Variants in STRBP observed in about 807,000 individuals in gnomAD.
The protein encoded by STRBP is spermatid perinuclear RNA binding protein, also known as spermatid perinuclear RNA-binding protein.
In STRBP, 13 loss-of-function variants were observed where a neutral mutation model predicts 80.1. The observed-to-expected ratio is 0.16, with a 90% CI of 0.11 to 0.26. STRBP has a LOEUF of 0.26. Ranked by LOEUF, STRBP falls within the 10% of genes least tolerant of loss-of-function variation. The probability of loss-of-function intolerance (pLI) is 1.00; values close to 1 mark genes in which losing one functional copy is unlikely to be tolerated. For missense variants in STRBP, 485 were observed against 815.2 expected (o/e 0.59, Z 4.93); for synonymous variants, 284 against 291.2 (o/e 0.98, Z 0.25).
At chr9:123,200,101 T>A (rs1158364435) in intron 2 of STRBP, among the ~76,000 whole-genome samples, 1 of 152,238 alleles carries the variant, frequency 6.6e-6, no homozygotes, top group East Asian at 1.9e-4. Flanking sequence ...CTGGATTTTG[T>A]CAAATGCTTT....
chr9:123,141,216 C>T (rs1293878166), intron 13 of STRBP, among the ~76,000 whole-genome samples: 2 of 152,070 alleles, frequency 1.3e-5, no homozygotes, highest in African/African-American at 2.4e-5. Flanking sequence ...ACAGTGTTAC[C>T]CTAAACCAAA....
chr9:123,148,469 G>A (rs2036915409), intron 11 of STRBP, among the ~76,000 whole-genome samples: 1 of 152,154 alleles, frequency 6.6e-6, no homozygotes, highest in Non-Finnish European at 1.5e-5. Context: ...ATATATTCAC[G>A]TTATATGCAT....
chr9:123,250,557 T>C (rs892431973), intron 1 of STRBP, among the ~76,000 whole-genome samples: 2 of 152,178 alleles, frequency 1.3e-5, no homozygotes, highest in Admixed American at 6.5e-5. Flanking sequence ...TAACTATATG[T>C]AGGTTGATTT....
At position 123,125,742 on chromosome 9, in the gene STRBP, A is replaced by C. The variant is rs2035869514; in HGVS notation, c.1943-69T>G. The stretch of plus-strand genomic sequence containing the variant: ...ACTCCAATAAAAATTTCAGGTAAAA[A>C]AATATCTGACAGTAATTATCATTAA... On this transcript the variant is annotated intron_variant, in intron 18 of 18. Transcript: ENST00000348403. 5 of 1,263,020 alleles carry C rather than the reference A, an allele frequency of 4.0e-6. No homozygotes were observed. The South Asian group carries it at 6.5e-5, about 17-fold the overall frequency. 78.2% of individuals were successfully genotyped at this position (1,263,020 alleles called of 1,614,324 possible).
Position 123,137,408 on chromosome 9 carries a change from T to TTTG in STRBP, c.1498-896_1498-894dup, listed in dbSNP as rs149319491. 2.3e-3 allele frequency among the ~76,000 whole-genome samples: 345 copies of TTTG among 152,028 alleles called. 1 individual carries two copies. Among genetic ancestry groups the TTTG allele is most frequent in the Non-Finnish European group, 4.0e-3 (269 of 67,968 alleles). On this transcript the variant is annotated intron_variant, in intron 14 of 18. Coordinates refer to ENST00000348403, the MANE Select transcript of STRBP (RefSeq NM_018387.5). The stretch of plus-strand genomic sequence containing the variant: ...AAAAGTGTTAATTTTGTTTTTTTTG[T>TTTG]TTGTTGTTGTTGTTGTTTTGAGACA...
chr9:123,207,890 ATT>A (rs2039577853), intron 2 of STRBP, among the ~76,000 whole-genome samples: 1 of 152,186 alleles, frequency 6.6e-6, no homozygotes, highest in African/African-American at 2.4e-5. Context: ...ATCATATTCT[ATT>A]TTTGTCTATA....
At chr9:123,264,898 A>C (rs1254838902) in intron 1 of STRBP, among the ~76,000 whole-genome samples, 1 of 152,190 alleles carries the variant, frequency 6.6e-6, no homozygotes, top group Non-Finnish European at 1.5e-5. Flanking sequence ...GGACTTAAGA[A>C]ATATAAGGAG....
At chr9:123,220,497 T>C (rs369692922) in intron 2 of STRBP, among the ~76,000 whole-genome samples, 19 of 152,254 alleles carry the variant, frequency 1.2e-4, no homozygotes, top group African/African-American at 4.6e-4. Context: ...AAGCAGTCTG[T>C]CATTGAAACT....
At chr9:123,190,705 C>T (rs1156509324) in intron 2 of STRBP, among the ~76,000 whole-genome samples, 2 of 152,162 alleles carry the variant, frequency 1.3e-5, no homozygotes, top group African/African-American at 4.8e-5. Context: ...TAATCTGAAC[C>T]TAAAATATAC....
intron 2 of STRBP, among the ~76,000 whole-genome samples, chr9:123,207,544 T>C (rs559117519): frequency 6.6e-6 from 1 of 152,220 alleles, no homozygotes; most frequent in African/African-American, 2.4e-5. Flanking sequence ...AGGAGAGTGG[T>C]TACCTTTGGG....
At chr9:123,216,192 C>T (rs1466110506) in intron 2 of STRBP, among the ~76,000 whole-genome samples, 2 of 152,172 alleles carry the variant, frequency 1.3e-5, no homozygotes, top group Non-Finnish European at 2.9e-5. Context: ...CTGGCATGGA[C>T]TGAATGAAGA....
intron 12 of STRBP, 101 bp downstream of exon 12, chr9:123,147,677 C>CAAAA (rs551381831): frequency 3.0e-4 from 111 of 374,506 alleles, no homozygotes; most frequent in Admixed American, 4.3e-4. Flanking sequence ...GAACCGATCT[C>CAAAA]AAAAAAAAAA....
intron 2 of STRBP, among the ~76,000 whole-genome samples, chr9:123,215,210 G>C (rs767364192): frequency 6.6e-6 from 1 of 152,050 alleles, no homozygotes; most frequent in East Asian, 1.9e-4. Flanking sequence ...AAGACTACAG[G>C]CATGCACCAC....
intron 2 of STRBP, among the ~76,000 whole-genome samples, chr9:123,201,785 C>A (rs1415528275): frequency 6.6e-6 from 1 of 152,162 alleles, no homozygotes; most frequent in African/African-American, 2.4e-5. Context: ...TCGTTTAAGT[C>A]CACTGTTTCT....
chr9:123,179,231 T>A lies in STRBP; in HGVS notation c.4-4A>T. ...TAGCAAAAGATCGAATAGATCTCTG[T>A]TAGAAGGAGAACGAAAACAATTACT... On this transcript the variant is annotated splice_polypyrimidine_tract_variant and splice_region_variant and intron_variant, in intron 3 of 18. Transcript: ENST00000348403. 1 of 1,595,552 alleles carries A rather than the reference T, an allele frequency of 6.3e-7. No homozygotes were observed. Among genetic ancestry groups the A allele is most frequent in the Non-Finnish European group, 8.6e-7 (1 of 1,164,992 alleles).
rs192698770 is a variant in STRBP at position 123,124,851 on chromosome 9, G to A, written c.*746C>T. 2.2e-5 allele frequency: 22 copies of A among 985,438 alleles called. No homozygotes were observed. The African/African-American group carries it at 3.1e-4, about 14-fold the overall frequency. The allele number at this position is 985,438 out of a possible 1,614,324, so 61.0% of individuals were successfully genotyped here. ...AACAGAATGGAACCTTTATCATGGG[G>A]ATGGCCCTTGTACAACAGGAGTACA... On this transcript the variant is annotated 3_prime_UTR_variant, in exon 19 of 19. Coordinates refer to ENST00000348403, the MANE Select transcript of STRBP (RefSeq NM_018387.5).
chr9:123,214,144 A>G (rs201180938), intron 2 of STRBP, among the ~76,000 whole-genome samples: 1 of 123,402 alleles, frequency 8.1e-6, no homozygotes, highest in South Asian at 2.5e-4. Context: ...ATATATATGT[A>G]TACACACACA....
intron 1 of STRBP, among the ~76,000 whole-genome samples, chr9:123,257,089 C>T (rs1183682320): frequency 6.6e-6 from 1 of 152,128 alleles, no homozygotes; most frequent in Non-Finnish European, 1.5e-5. Context: ...TTCCTGCATT[C>T]AAATCCTTCT....
intron 2 of STRBP, among the ~76,000 whole-genome samples, chr9:123,206,613 TAA>T (rs2039523312): frequency 6.6e-6 from 1 of 152,076 alleles, no homozygotes; most frequent in Non-Finnish European, 1.5e-5. Context: ...AACATTTCCA[TAA>T]TAAGATTTTT....
Sources: gnomAD v4.1 joint callset for allele counts (sites outside exome capture counted in the v4.1 genomes callset) on GRCh38, gnomAD v4.1.1 for gene constraint, MANE v1.5 for transcripts, NCBI Gene and HGNC (gene_info 2026-07-23, HGNC 2026-07-21) for gene names.